CSMD1: variants seen among roughly 807,000 people sequenced by gnomAD.
CSMD1 encodes the protein CUB and sushi domain-containing protein 1.
A neutral mutation model predicts 417.5 loss-of-function variants in CSMD1; 213 were observed. The observed-to-expected ratio is 0.51, with a 90% CI of 0.46 to 0.57. The LOEUF (loss-of-function observed/expected upper bound fraction) is 0.57, where lower values mean the gene tolerates loss of function less well. Ranked by LOEUF, CSMD1 falls within the 20% of genes least tolerant of loss-of-function variation. CSMD1 has a pLI of 0.00. For synonymous variants in CSMD1, 2,862 were observed against 1,736.8 expected (o/e 1.65, Z -16.11); for missense variants, 6,923 against 4,529.7 (o/e 1.53, Z -15.17).
At chr8:4,138,289 C>G (rs1803561426) in intron 3 of CSMD1, among the ~76,000 whole-genome samples, 1 of 148,440 alleles carries the variant, frequency 6.7e-6, no homozygotes, top group Non-Finnish European at 1.5e-5. Context: ...TGGCAAGATG[C>G]AGGTTTCAGA....
intron 1 of CSMD1, among the ~76,000 whole-genome samples, chr8:4,890,708 T>C (rs926190978): frequency 9.9e-5 from 15 of 152,166 alleles, no homozygotes; most frequent in African/African-American, 3.1e-4. Flanking sequence ...GTTCTGCATG[T>C]TATTAGGTCG....
intron 3 of CSMD1, among the ~76,000 whole-genome samples, chr8:4,074,169 G>C (rs551735550): frequency 7.9e-5 from 12 of 152,082 alleles, no homozygotes; most frequent in African/African-American, 2.4e-4. Flanking sequence ...TGCATAACTT[G>C]TATGGTCCAA....
chr8:3,833,426 T>C (rs1802483812), intron 5 of CSMD1, among the ~76,000 whole-genome samples: 1 of 152,126 alleles, frequency 6.6e-6, no homozygotes, highest in African/African-American at 2.4e-5. Context: ...TTTGCCATAT[T>C]TTATATCATA....
At chr8:2,988,058 A>T (rs1470901569) in intron 54 of CSMD1, among the ~76,000 whole-genome samples, 1 of 152,204 alleles carries the variant, frequency 6.6e-6, no homozygotes, top group African/African-American at 2.4e-5. Context: ...TATTAAAATA[A>T]CTATTTTAGC....
At chr8:3,094,800 C>CAAAAAAAAAAAAAAAAAAAAAAAAAAA (rs33991879) in intron 47 of CSMD1, among the ~76,000 whole-genome samples, 1 of 105,408 alleles carries the variant, frequency 9.5e-6, no homozygotes, top group Non-Finnish European at 1.9e-5. Context: ...GCCCGTCTTA[C>CAAAAAAAAAAAAAAAAAAAAAAAAAAA]AAAAAAAAAA....
At chr8:4,749,254 T>C (rs1811154204) in intron 1 of CSMD1, among the ~76,000 whole-genome samples, 1 of 152,254 alleles carries the variant, frequency 6.6e-6, no homozygotes, top group South Asian at 2.1e-4. Context: ...TTAGAGAGAA[T>C]ATGCTCATTT....
Position 4,905,596 on chromosome 8 carries a change from C to G in CSMD1, c.85+88736G>C, listed in dbSNP as rs562839598. 4.0e-3 allele frequency among the ~76,000 whole-genome samples: 605 copies of G among 151,738 alleles called. 2 individuals carry two copies. The highest frequency in any genetic ancestry group is 0.025 in the East Asian group (129 of 5,106). On this transcript the variant is annotated intron_variant, in intron 1 of 69. Transcript: ENST00000635120. ...GCACTTTGGGAGGCCAAGGTGGGCC[C>G]ATCACGAGGTCATGAGATCGAGGCC...
At chr8:3,745,713 G>C (rs977020938) in intron 6 of CSMD1, among the ~76,000 whole-genome samples, 1 of 152,208 alleles carries the variant, frequency 6.6e-6, no homozygotes, top group African/African-American at 2.4e-5. Context: ...AACCTCCTCA[G>C]AGTAGATTCC....
intron 49 of CSMD1, among the ~76,000 whole-genome samples, chr8:3,079,009 T>C (rs1456261894): frequency 6.6e-6 from 1 of 152,150 alleles, no homozygotes; most frequent in Non-Finnish European, 1.5e-5. Flanking sequence ...ATAAAGAACT[T>C]CAGTGAAGTC....
intron 3 of CSMD1, among the ~76,000 whole-genome samples, chr8:4,295,993 C>A (rs188942844): frequency 6.6e-6 from 1 of 151,706 alleles, no homozygotes; most frequent in African/African-American, 2.4e-5. Flanking sequence ...AAAACAAAAA[C>A]CTAAAGACTT....
chr8:4,118,629 T>G (rs1186652341), intron 3 of CSMD1, among the ~76,000 whole-genome samples: 1 of 152,176 alleles, frequency 6.6e-6, no homozygotes, highest in African/African-American at 2.4e-5. Context: ...AGGAACACAT[T>G]TTACACTGTT....
chr8:4,590,350 A>T (rs1240680890), intron 2 of CSMD1, among the ~76,000 whole-genome samples: 1 of 152,176 alleles, frequency 6.6e-6, no homozygotes, highest in South Asian at 2.1e-4. Context: ...AGAATACATT[A>T]AATTCTAAAA....
chr8:3,236,898 C>A (rs1799185136), intron 26 of CSMD1, among the ~76,000 whole-genome samples: 3 of 152,040 alleles, frequency 2.0e-5, no homozygotes, highest in East Asian at 1.9e-4. Flanking sequence ...TTCCAGTTTC[C>A]CACAGGCGTT....
At chr8:4,284,512 C>T (rs1156994779) in intron 3 of CSMD1, among the ~76,000 whole-genome samples, 1 of 152,120 alleles carries the variant, frequency 6.6e-6, no homozygotes, top group Admixed American at 6.5e-5. Context: ...CATGCCTTCC[C>T]ATATGGTATA....
At chr8:3,824,145 G>A (rs190397687) in intron 5 of CSMD1, among the ~76,000 whole-genome samples, 7 of 151,914 alleles carry the variant, frequency 4.6e-5, no homozygotes, top group Admixed American at 2.6e-4. Flanking sequence ...TTCACCAGCC[G>A]AGTCAAACAT....
intron 3 of CSMD1, among the ~76,000 whole-genome samples, chr8:4,245,365 G>A (rs1163100590): frequency 6.6e-6 from 1 of 152,140 alleles, no homozygotes; most frequent in East Asian, 1.9e-4. Flanking sequence ...AAGATTGCAA[G>A]TACCCAGCCT....
chr8:4,167,590 T>A (rs17069197), intron 3 of CSMD1, among the ~76,000 whole-genome samples: 2,032 of 152,270 alleles, frequency 0.013, 43 homozygotes, highest in African/African-American at 0.045. Context: ...TTTAAGGATA[T>A]GCAAATGGCA....
chr8:3,660,177 G>C (rs1487234231), intron 7 of CSMD1, among the ~76,000 whole-genome samples: 1 of 152,154 alleles, frequency 6.6e-6, no homozygotes. Context: ...TTATACTGCA[G>C]TGGTTTAGAG....
At chr8:4,002,244 T>A (rs948957869) in intron 4 of CSMD1, among the ~76,000 whole-genome samples, 7 of 152,070 alleles carry the variant, frequency 4.6e-5, no homozygotes, top group African/African-American at 1.7e-4. Context: ...TGTGCGTGTG[T>A]TTGTGTGTAT....
Sources: allele counts gnomAD v4.1 joint callset (sites outside exome capture counted in the v4.1 genomes callset), GRCh38; gene constraint gnomAD v4.1.1; transcripts MANE v1.5; gene names NCBI Gene and HGNC (gene_info 2026-07-23, HGNC 2026-07-21).